The following EIF2A variants were observed in gnomAD, a reference collection of about 807,000 sequenced individuals.
EIF2A encodes the protein eukaryotic translation initiation factor 2A.
A neutral mutation model predicts 75.2 loss-of-function variants in EIF2A; 62 were observed. The observed-to-expected ratio is 0.82, with a 90% confidence interval of 0.67 to 1.02. The LOEUF is 1.02. Among genes scored for constraint, EIF2A ranks in the 50% least tolerant of loss-of-function variants. EIF2A has a pLI of 0.00. For missense variants in EIF2A, 611 were observed against 677.7 expected (o/e 0.90, Z 1.09); for synonymous variants, 207 against 239.0 (o/e 0.87, Z 1.23).
In EIF2A at chr3:150,585,832, T is replaced by C. The variant is rs1340090613; in HGVS notation, c.*1921T>C. Among the ~76,000 whole-genome samples, 1 of 152,114 alleles carries C rather than the reference T, an allele frequency of 6.6e-6. No homozygotes were observed. The highest frequency in any genetic ancestry group is 6.5e-5 in the Admixed American group (1 of 15,272). Reference sequence around the variant, plus strand: ...GTTGGGGACTTCGTGATGGGATTATTGTCCTTACAAGAAAAGACACCAGAG... The same window carrying C: ...GTTGGGGACTTCGTGATGGGATTATCGTCCTTACAAGAAAAGACACCAGAG... On this transcript the variant is annotated 3_prime_UTR_variant, in exon 14 of 14. Transcript: ENST00000460851.
rs747611262 is a variant in EIF2A at position 150,572,096 on chromosome 3, G to C, written c.950G>C (p.Arg317Pro). Residue 317 changes from arginine (R) to proline (P), a missense_variant, in exon 10 of 14, where the codon CGT (arginine) becomes CCT (proline). Transcript: ENST00000460851. ...GTATTTGACTTTGGAACTGGTCCTC[G>C]TAATGCAGCCTACTATAGCCCTCAT... ...DPVFDFGTGP[R>P]NAAYYSPHGH... The C allele has an allele frequency of 6.2e-7, 1 of 1,613,912 alleles. No homozygotes were observed. The highest frequency in any genetic ancestry group is 1.7e-5 in the Admixed American group (1 of 60,008).
intron 10 of EIF2A, among the ~76,000 whole-genome samples, chr3:150,573,498 C>T (rs753963002): frequency 4.6e-5 from 7 of 152,184 alleles, no homozygotes; most frequent in Non-Finnish European, 1.0e-4. Flanking sequence ...GTGATCCACC[C>T]GCCTTGGCCT....
intron 10 of EIF2A, among the ~76,000 whole-genome samples, chr3:150,575,180 C>G (rs921770597): frequency 2.6e-5 from 4 of 152,066 alleles, no homozygotes; most frequent in African/African-American, 9.7e-5. Context: ...TTCTTATAAT[C>G]TATTCTTGTT....
chr3:150,575,727 CAAAG>C lies in EIF2A; in HGVS notation c.1463_1466del (p.Gln488ArgfsTer45). The C allele has an allele frequency of 1.2e-6, 2 of 1,612,430 alleles. No homozygotes were observed. Among genetic ancestry groups the C allele is most frequent in the Non-Finnish European group, 1.7e-6 (2 of 1,179,274 alleles). On this transcript the variant is annotated frameshift_variant, in exon 11 of 14. Transcript: ENST00000460851. LOFTEE classifies it high-confidence loss of function. ...ATTATCAAAAACAGCTCTTAAAAAT[CAAAG>C]GAAGCATGAAGCTAAGAAAGCTGCA...
intron 11 of EIF2A, among the ~76,000 whole-genome samples, chr3:150,580,117 G>A (rs1234324770): frequency 6.6e-6 from 1 of 152,076 alleles, no homozygotes; most frequent in East Asian, 1.9e-4. Context: ...TTACCGTAGG[G>A]AAAAATACTG....
At chr3:150,562,454 G>T in intron 3 of EIF2A, 88 bp from the exon 4 acceptor site, 1 of 993,706 alleles carries the variant, frequency 1.0e-6, no homozygotes, top group Non-Finnish European at 1.5e-6. Flanking sequence ...GGAGTGATCT[G>T]TATTTGAAAA....
intron 3 of EIF2A, among the ~76,000 whole-genome samples, chr3:150,562,218 C>T (rs1375595427): frequency 2.0e-5 from 3 of 152,020 alleles, no homozygotes; most frequent in Admixed American, 1.3e-4. Flanking sequence ...GTCAGGAGAT[C>T]AAGACCATCC....
intron 2 of EIF2A, chr3:150,552,643 GA>G (rs1475117871): frequency 1.3e-5 from 5 of 378,618 alleles, no homozygotes; most frequent in African/African-American, 1.0e-4. Context: ...AAGGTAGGGG[GA>G]ACAATACTAA....
In EIF2A at chr3:150,584,030, C is replaced by A; in HGVS notation, c.*119C>A. The A allele has an allele frequency of 1.1e-6, 1 of 921,108 alleles. No homozygotes were observed. The highest frequency in any genetic ancestry group is 2.0e-5 in the South Asian group (1 of 50,636). 57.1% of individuals were successfully genotyped at this position (921,108 alleles called of 1,614,324 possible). On this transcript the variant is annotated 3_prime_UTR_variant, in exon 14 of 14. Transcript: ENST00000460851. ...CTTAATGTCAATCTATAATTTTAAC[C>A]ATTTATCCAAGATTCTACTAAGTGT...
chr3:150,558,091 C>G (rs1468324730), intron 2 of EIF2A, among the ~76,000 whole-genome samples: 1 of 152,184 alleles, frequency 6.6e-6, no homozygotes, highest in Non-Finnish European at 1.5e-5. Context: ...GTTATACTTT[C>G]TATCTCTACA....
chr3:150,570,086 T>C (rs1046931288), intron 9 of EIF2A, among the ~76,000 whole-genome samples: 2 of 152,166 alleles, frequency 1.3e-5, no homozygotes, highest in Non-Finnish European at 2.9e-5. Context: ...CAAAAACTTA[T>C]ACATAAGACT....
intron 6 of EIF2A, 153 bp from the exon 7 acceptor site, chr3:150,567,540 C>A: frequency 1.7e-6 from 1 of 585,626 alleles, no homozygotes; most frequent in Non-Finnish European, 3.0e-6. Context: ...CTACCCCATG[C>A]TTTTTCCACT....
chr3:150,567,662 T>C, intron 6 of EIF2A, 31 bp from the exon 7 acceptor site: 1 of 1,420,018 alleles, frequency 7.0e-7, no homozygotes, highest in Non-Finnish European at 9.6e-7. Context: ...GGTTCTCTCA[T>C]CAATCTGATT....
rs2107927865 is a variant in EIF2A, at chr3:150,564,308, C to G, written c.402C>G (p.Ser134=). ...TTTTTCATTGACATAGGTGTCCATC[C>G]TGGTCAGAAGATGAAACTCTTTGTG... ...IQKKMQNWCP[S]WSEDETLCAR... Residue 134 remains serine (S), a synonymous_variant, in exon 6 of 14, where the codon TCC becomes TCG. Coordinates refer to ENST00000460851, the MANE Select transcript of EIF2A (RefSeq NM_032025.5). The G allele has an allele frequency of 6.3e-7, 1 of 1,583,870 alleles. No homozygotes were observed. The highest frequency in any genetic ancestry group is 1.9e-5 in the Admixed American group (1 of 53,970).
intron 11 of EIF2A, among the ~76,000 whole-genome samples, chr3:150,581,415 T>G (rs370142774): frequency 6.6e-6 from 1 of 152,304 alleles, no homozygotes; most frequent in East Asian, 1.9e-4. Context: ...AGAAACTTCC[T>G]GGTTTACTCT....
At chr3:150,570,961 G>T (rs1724480738) in intron 9 of EIF2A, among the ~76,000 whole-genome samples, 1 of 151,892 alleles carries the variant, frequency 6.6e-6, no homozygotes, top group African/African-American at 2.4e-5. Flanking sequence ...AGCTACTCAG[G>T]AGGCTGAGGC....
At chr3:150,566,568 G>A (rs960626155) in intron 6 of EIF2A, 28 of 151,194 alleles carry the variant, frequency 1.9e-4, no homozygotes, top group South Asian at 4.2e-4. Flanking sequence ...AGTTTTATAC[G>A]TATAGTTTTA....
intron 1 of EIF2A, among the ~76,000 whole-genome samples, chr3:150,547,900 T>G (rs1330114583): frequency 6.6e-6 from 1 of 152,226 alleles, no homozygotes; most frequent in African/African-American, 2.4e-5. Context: ...ATAATAAATT[T>G]TTTTTTAGGT....
At chr3:150,577,068 C>T (rs78578405) in intron 11 of EIF2A, among the ~76,000 whole-genome samples, 2,224 of 152,196 alleles carry the variant, frequency 0.015, 55 homozygotes, top group African/African-American at 0.051. Context: ...GAAGCTGGGG[C>T]GCTGGCAGAT....
Sources: gnomAD v4.1 joint callset for allele counts (sites outside exome capture counted in the v4.1 genomes callset) on GRCh38, gnomAD v4.1.1 for gene constraint, MANE v1.5 for transcripts, NCBI Gene and HGNC (gene_info 2026-07-23, HGNC 2026-07-21) for gene names.